The following TUBGCP4 variants were observed in gnomAD, a reference collection of about 807,000 sequenced individuals.
The protein encoded by TUBGCP4 is tubulin gamma complex component 4, also known as gamma-tubulin complex component 4.
A neutral mutation model predicts 91.6 loss-of-function variants in TUBGCP4; 54 were observed. The observed-to-expected ratio is 0.59, with a 90% CI of 0.47 to 0.74. The LOEUF is 0.74. Ranked by LOEUF, TUBGCP4 falls within the 30% of genes least tolerant of loss-of-function variation. The probability of loss-of-function intolerance (pLI) is 0.00; values close to 1 mark genes in which losing one functional copy is unlikely to be tolerated. For missense variants in TUBGCP4, 593 were observed against 800.9 expected, an observed-to-expected ratio of 0.74 and a Z score of 3.13; for synonymous variants, 297 against 302.8, an observed-to-expected ratio of 0.98 and a Z score of 0.20.
intron 9 of TUBGCP4, 108 bp from the exon 10 acceptor site, chr15:43,394,999 C>A: frequency 2.5e-6 from 3 of 1,185,570 alleles, no homozygotes; most frequent in Non-Finnish European, 3.8e-6. Context: ...CTATGTGGGG[C>A]AAGGTATAGT....
chr15:43,379,997 G>C (rs1291095918), intron 5 of TUBGCP4, 87 bp from the exon 6 acceptor site: 8 of 1,267,226 alleles, frequency 6.3e-6, no homozygotes, highest in African/African-American at 1.5e-5. Context: ...CCTAGATTGT[G>C]CCCTCTTGGT....
chr15:43,381,485 C>G (rs2142790794), intron 6 of TUBGCP4, among the ~76,000 whole-genome samples: 1 of 152,088 alleles, frequency 6.6e-6, no homozygotes, highest in South Asian at 2.1e-4. Flanking sequence ...GCTTGTAATC[C>G]CAGCACTTTG....
chr15:43,392,061 A>C (rs912989778), intron 9 of TUBGCP4, among the ~76,000 whole-genome samples: 1 of 148,052 alleles, frequency 6.8e-6, no homozygotes, highest in African/African-American at 2.5e-5. Context: ...TCTCAAAATA[A>C]AATAAAATAG....
chr15:43,385,668 C>T (rs2044345113), intron 7 of TUBGCP4, 123 bp from the exon 8 acceptor site: 2 of 996,552 alleles, frequency 2.0e-6, no homozygotes, highest in Middle Eastern at 2.1e-4. Flanking sequence ...AACTGTGCAA[C>T]ACCAGATTTG....
At chr15:43,404,916 C>CCA (rs2044813796) in intron 17 of TUBGCP4, 1 of 510,530 alleles carries the variant, frequency 2.0e-6, no homozygotes, top group Non-Finnish European at 3.5e-6. Context: ...AAGGAGGCGA[C>CCA]CACCCCTTCT....
chr15:43,401,590 A>G, intron 14 of TUBGCP4, 126 bp from the exon 15 acceptor site: 1 of 1,000,976 alleles, frequency 1.0e-6, no homozygotes, highest in African/African-American at 1.6e-5. Flanking sequence ...GGTCAGCCTT[A>G]ATGTGACTTG....
Position 43,409,670 on chromosome 15 carries a change from G to A in TUBGCP4, c.*4456G>A. 1 of 1,560,342 alleles carries A rather than the reference G, an allele frequency of 6.4e-7. No individual in the cohort carries two copies. Among genetic ancestry groups the A allele is most frequent in the South Asian group, 1.2e-5 (1 of 81,568 alleles). ...ACCTGGGCTTCATTGAAATCTTCAA[G>A]GATATAGCCAGCTCCTGCTCGAAGC... On this transcript the variant is annotated 3_prime_UTR_variant, in exon 18 of 18. Transcript: ENST00000564079.
Position 43,387,107 on chromosome 15 carries a change from T to C in TUBGCP4, c.1014+777T>C, listed in dbSNP as rs1340268420. 2.6e-5 allele frequency among the ~76,000 whole-genome samples: 4 copies of C among 152,222 alleles called. No individual in the cohort carries two copies. The East Asian group carries it at 7.7e-4, about 29-fold the overall frequency. On this transcript the variant is annotated intron_variant, in intron 9 of 17. Coordinates refer to ENST00000564079, the MANE Select transcript of TUBGCP4 (RefSeq NM_014444.5). ...ATACTTTCATTTCTATACACAATCA[T>C]CTTATGAGGAAAGCAGAACAAATAT...
chr15:43,398,259 T>C, intron 13 of TUBGCP4, 80 bp downstream of exon 13: 1 of 1,519,694 alleles, frequency 6.6e-7, no homozygotes, highest in Non-Finnish European at 9.0e-7. Flanking sequence ...ACAGAATTAG[T>C]GGGAAAGCAA....
At chr15:43,376,940 C>T in intron 3 of TUBGCP4, 74 bp from the exon 4 acceptor site, 1 of 1,261,662 alleles carries the variant, frequency 7.9e-7, no homozygotes. Flanking sequence ...ATGAGATTCT[C>T]TTCTCATTTT....
At chr15:43,403,497 A>AT in intron 15 of TUBGCP4, 186 bp from the exon 16 acceptor site, 1 of 557,134 alleles carries the variant, frequency 1.8e-6, no homozygotes, top group Non-Finnish European at 3.2e-6. Flanking sequence ...GAAAGGATGC[A>AT]TTTGTTTTAC....
chr15:43,390,760 C>T (rs1228613701), intron 9 of TUBGCP4, among the ~76,000 whole-genome samples: 4 of 152,014 alleles, frequency 2.6e-5, no homozygotes, highest in Non-Finnish European at 4.4e-5. Context: ...CCACCTGCCT[C>T]GGCTTCTCAA....
intron 9 of TUBGCP4, among the ~76,000 whole-genome samples, chr15:43,389,928 T>G (rs920285363): frequency 6.6e-6 from 1 of 151,734 alleles, no homozygotes; most frequent in Non-Finnish European, 1.5e-5. Flanking sequence ...TATTATAAAG[T>G]AAATCACCCC....
chr15:43,408,620 A>ATATTT lies in TUBGCP4; in HGVS notation c.*3408_*3412dup. ...ATCCAAATCATGCTCCTGAGCCTATATATTTTTAATGCTTGCTTAAAACTT... is the reference window on the plus strand; with the variant it reads ...ATCCAAATCATGCTCCTGAGCCTATATATTTTATTTTTAATGCTTGCTTAAAACTT... On this transcript the variant is annotated 3_prime_UTR_variant, in exon 18 of 18. Transcript: ENST00000564079. 4.7e-6 allele frequency: 2 copies of ATATTT among 427,046 alleles called. No homozygotes were observed. Among genetic ancestry groups the ATATTT allele is most frequent in the Non-Finnish European group, 4.3e-6 (1 of 232,022 alleles). The allele number at this position is 427,046 out of a possible 1,614,324, so 26.5% of individuals were successfully genotyped here. A position where few individuals can be genotyped will look rare whatever the true frequency, so the allele number is the denominator to read the frequency against.
At chr15:43,373,805 C>T (rs1254025823) in intron 1 of TUBGCP4, among the ~76,000 whole-genome samples, 2 of 152,138 alleles carry the variant, frequency 1.3e-5, no homozygotes, top group Non-Finnish European at 2.9e-5. Flanking sequence ...CCTGCCGCCA[C>T]ACCCGGCTAA....
intron 1 of TUBGCP4, among the ~76,000 whole-genome samples, chr15:43,374,708 T>G (rs1233954438): frequency 1.3e-5 from 2 of 152,154 alleles, no homozygotes; most frequent in East Asian, 3.8e-4. Flanking sequence ...CAACAGATAT[T>G]TGTACACCCG....
At chr15:43,397,359 G>C in intron 12 of TUBGCP4, 38 bp downstream of exon 12, 1 of 1,462,526 alleles carries the variant, frequency 6.8e-7, no homozygotes. Context: ...AGTTCCTGCT[G>C]GTCATCATCC....
Position 43,401,727 on chromosome 15 carries a change from G to A in TUBGCP4, c.1608G>A (p.Leu536=). 1.2e-6 allele frequency: 2 copies of A among 1,614,088 alleles called. No homozygotes were observed. Among genetic ancestry groups the A allele is most frequent in the Non-Finnish European group, 1.7e-6 (2 of 1,180,004 alleles). ...GTAATGTCTATCAGGTAGATGTGTT[G>A]GAGTCTCAGTTCTCCCAGCTGCTTC... ...NLQYYLQVDV[L]ESQFSQLLHQ... is the part of the protein sequence containing the mutation. The change falls in exon 15 of 18, where the codon TTG becomes TTA. Residue 536 remains leucine (L), a synonymous_variant. Transcript: ENST00000564079.
At chr15:43,397,180 G>A (rs773630273) in intron 11 of TUBGCP4, 34 bp from the exon 12 acceptor site, 2 of 1,543,022 alleles carry the variant, frequency 1.3e-6, no homozygotes, top group East Asian at 4.5e-5. Flanking sequence ...ATGTAGCCAA[G>A]CGTCCCTGTC....
Sources: allele counts gnomAD v4.1 joint callset (sites outside exome capture counted in the v4.1 genomes callset), GRCh38; gene constraint gnomAD v4.1.1; transcripts MANE v1.5; gene names NCBI Gene and HGNC (gene_info 2026-07-23, HGNC 2026-07-21).